TRIM14: variants seen among roughly 807,000 people sequenced by gnomAD.
TRIM14 encodes the protein tripartite motif containing 14.
TRIM14 carries 28 observed loss-of-function variants against 44.5 expected under a neutral mutation model. That is an observed-to-expected ratio of 0.63 (90% CI 0.47 to 0.86). The LOEUF (loss-of-function observed/expected upper bound fraction) is 0.86, where lower values mean the gene tolerates loss of function less well. TRIM14 is among the 40% of genes least tolerant of loss of function. The pLI is 0.00. For synonymous variants in TRIM14, 299 were observed against 269.2 expected, an observed-to-expected ratio of 1.11 and a Z score of -1.08; for missense variants, 607 against 611.1, an observed-to-expected ratio of 0.99 and a Z score of 0.07.
the TRIM14 span, among the ~76,000 whole-genome samples, chr9:98,054,343 C>T: frequency 4.6e-5 from 7 of 152,256 alleles, no homozygotes; most frequent in African/African-American, 1.2e-4. Flanking sequence ...TCCTATTCTC[C>T]ATCTGAGAAG....
At chr9:98,055,730 A>G in the TRIM14 span, among the ~76,000 whole-genome samples, 11 of 151,996 alleles carry the variant, frequency 7.2e-5, no homozygotes, top group Admixed American at 5.2e-4. Flanking sequence ...TTATTTTTTA[A>G]ATTAATTAAT....
At chr9:98,073,482 A>T (rs1184178904) in intron 6 of TRIM14, among the ~76,000 whole-genome samples, 1 of 149,958 alleles carries the variant, frequency 6.7e-6, no homozygotes, top group Admixed American at 6.6e-5. Flanking sequence ...GCGGGGTTTC[A>T]CCATGTTGGC....
chr9:98,115,490 C>T (rs562661736), intron 1 of TRIM14, among the ~76,000 whole-genome samples: 1 of 152,226 alleles, frequency 6.6e-6, no homozygotes, highest in East Asian at 1.9e-4. Flanking sequence ...CCTCGTGATC[C>T]ACCCACTTTG....
At chr9:98,056,772 A>G in the TRIM14 span, 14 of 1,603,374 alleles carry the variant, frequency 8.7e-6, no homozygotes, top group East Asian at 2.3e-5. Flanking sequence ...GGCCGGACCC[A>G]GACTGGTAGT....
downstream of TRIM14, among the ~76,000 whole-genome samples, chr9:98,083,334 A>C (rs989144145): frequency 6.6e-6 from 1 of 152,250 alleles, no homozygotes; most frequent in Non-Finnish European, 1.5e-5. Flanking sequence ...GGTTCCAAAC[A>C]AAGTCCATAT....
chr9:98,077,268 C>T (rs72755456), intron 6 of TRIM14, among the ~76,000 whole-genome samples: 1 of 152,046 alleles, frequency 6.6e-6, no homozygotes, highest in Non-Finnish European at 1.5e-5. Flanking sequence ...CTGCCAGAAA[C>T]CTCTTTTCAA....
the TRIM14 span, among the ~76,000 whole-genome samples, chr9:98,055,557 C>T: frequency 6.6e-6 from 1 of 152,034 alleles, no homozygotes; most frequent in African/African-American, 2.4e-5. Context: ...TTAGGTTTTA[C>T]AATAGTGATG....
chr9:98,088,129 G>A (rs1406322526), intron 5 of TRIM14, 124 bp from the exon 6 acceptor site: 3 of 1,144,718 alleles, frequency 2.6e-6, no homozygotes, highest in Non-Finnish European at 3.5e-6. Context: ...CCAAGGAAGG[G>A]GTGACAGACC....
chr9:98,066,014 G>T (rs1829137416), downstream of TRIM14, among the ~76,000 whole-genome samples: 1 of 152,146 alleles, frequency 6.6e-6, no homozygotes, highest in Non-Finnish European at 1.5e-5. Context: ...TCATTTGGAG[G>T]ACTAAGTCCT....
chr9:98,114,878 T>C (rs183562325), intron 1 of TRIM14, among the ~76,000 whole-genome samples: 13 of 152,234 alleles, frequency 8.5e-5, no homozygotes, highest in African/African-American at 2.4e-4. Flanking sequence ...ACTAAACTGA[T>C]AGAGGATAAA....
At chr9:98,043,726 A>C in the TRIM14 span, among the ~76,000 whole-genome samples, 112 of 142,288 alleles carry the variant, frequency 7.9e-4, 1 homozygote, top group African/African-American at 2.8e-3. Context: ...ACTGGCTTGC[A>C]AAAAAAAAAA....
intron 3 of TRIM14, among the ~76,000 whole-genome samples, chr9:98,099,568 C>T (rs1338035815): frequency 6.6e-6 from 1 of 152,052 alleles, no homozygotes; most frequent in Non-Finnish European, 1.5e-5. Context: ...GCTCTGCTAC[C>T]TACCTGCTGT....
At chr9:98,073,217 T>C (rs566379458) in intron 6 of TRIM14, among the ~76,000 whole-genome samples, 24 of 150,832 alleles carry the variant, frequency 1.6e-4, no homozygotes, top group African/African-American at 5.4e-4. Flanking sequence ...CCCAGCCTAT[T>C]TGTGGCTACA....
the TRIM14 span, among the ~76,000 whole-genome samples, chr9:98,039,784 T>G: frequency 6.6e-6 from 1 of 152,106 alleles, no homozygotes; most frequent in African/African-American, 2.4e-5. Flanking sequence ...GCTCACTGGC[T>G]TCCCCCACCC....
At chr9:98,116,775 T>G in intron 1 of TRIM14, among the ~76,000 whole-genome samples, 1 of 145,254 alleles carries the variant, frequency 6.9e-6, no homozygotes, top group Non-Finnish European at 1.5e-5. Flanking sequence ...CCCTGGGAGG[T>G]GGAGGTTGCA....
At chr9:98,043,655 CACAGAG>C in the TRIM14 span, among the ~76,000 whole-genome samples, 1 of 151,494 alleles carries the variant, frequency 6.6e-6, no homozygotes, top group Admixed American at 6.6e-5. Flanking sequence ...CATACACACA[CACAGAG>C]AGAGATCCTA....
chr9:98,068,313 A>T (rs1401198753), downstream of TRIM14, among the ~76,000 whole-genome samples: 1 of 151,006 alleles, frequency 6.6e-6, no homozygotes, highest in African/African-American at 2.4e-5. Flanking sequence ...TTTTTTTTGT[A>T]TCTCTTGGTA....
downstream of TRIM14, chr9:98,081,135 A>C: frequency 6.2e-7 from 1 of 1,602,618 alleles, no homozygotes; most frequent in South Asian, 1.1e-5. Flanking sequence ...GAAAAAGGAT[A>C]GGCTGGCCTG....
chr9:98,107,279 T>C (rs1411975807), intron 2 of TRIM14, among the ~76,000 whole-genome samples: 1 of 152,194 alleles, frequency 6.6e-6, no homozygotes, highest in Non-Finnish European at 1.5e-5. Context: ...AGCAATAGCA[T>C]TCCTGGGCAT....
Sources: allele counts gnomAD v4.1 joint callset (sites outside exome capture counted in the v4.1 genomes callset), GRCh38; gene constraint gnomAD v4.1.1; transcripts MANE v1.5; gene names NCBI Gene and HGNC (gene_info 2026-07-23, HGNC 2026-07-21).